Variants in VPS54 observed in about 807,000 individuals in gnomAD.
VPS54 encodes vacuolar protein sorting-associated protein 54.
Under a neutral mutation model 121.5 loss-of-function variants are expected in VPS54, and 45 were observed. That is an observed-to-expected ratio of 0.37 (90% CI 0.29 to 0.47). The LOEUF (loss-of-function observed/expected upper bound fraction) is 0.47. Ranked by LOEUF, VPS54 falls within the 20% of genes least tolerant of loss-of-function variation. The pLI is 0.99. For synonymous variants in VPS54, 371 were observed against 385.8 expected (o/e 0.96, Z 0.45); for missense variants, 1,090 against 1,131.4 (o/e 0.96, Z 0.52).
At chr2:63,925,213 C>G (rs1240315740) in intron 12 of VPS54, among the ~76,000 whole-genome samples, 3 of 152,236 alleles carry the variant, frequency 2.0e-5, no homozygotes, top group African/African-American at 7.2e-5. Context: ...GACAAACCAA[C>G]AGAAAAATGG....
intron 1 of VPS54, among the ~76,000 whole-genome samples, chr2:63,993,082 T>C (rs1007683329): frequency 1.3e-5 from 2 of 152,206 alleles, no homozygotes; most frequent in Non-Finnish European, 2.9e-5. Context: ...AATTTTGAGC[T>C]GCTGTGTTAG....
intron 22 of VPS54, among the ~76,000 whole-genome samples, chr2:63,897,042 A>G (rs1409839416): frequency 6.6e-6 from 1 of 152,204 alleles, no homozygotes; most frequent in Non-Finnish European, 1.5e-5. Context: ...AGTAATATAT[A>G]CAATCTTTCA....
chr2:63,907,254 C>G (rs946469878), intron 20 of VPS54, among the ~76,000 whole-genome samples: 1 of 152,094 alleles, frequency 6.6e-6, no homozygotes, highest in African/African-American at 2.4e-5. Context: ...CGCAGTGGCT[C>G]ATGCCTGTAA....
chr2:63,995,490 T>C (rs544214908), intron 1 of VPS54, among the ~76,000 whole-genome samples: 7 of 152,262 alleles, frequency 4.6e-5, no homozygotes, highest in Admixed American at 3.9e-4. Flanking sequence ...TGTTTTCACT[T>C]TAATTGCTGT....
intron 15 of VPS54, among the ~76,000 whole-genome samples, chr2:63,918,485 A>AAT (rs1673486423): frequency 6.6e-6 from 1 of 151,554 alleles, no homozygotes; most frequent in African/African-American, 2.4e-5. Context: ...GAGTGGTCAG[A>AAT]GTTTTATTTT....
chr2:63,898,583 G>A (rs1183377326), intron 21 of VPS54, among the ~76,000 whole-genome samples: 3 of 152,134 alleles, frequency 2.0e-5, no homozygotes, highest in East Asian at 3.8e-4. Flanking sequence ...GAGACACTAA[G>A]AAAGCCACCC....
intron 11 of VPS54, among the ~76,000 whole-genome samples, chr2:63,939,653 G>A (rs938609492): frequency 1.3e-5 from 2 of 151,790 alleles, no homozygotes; most frequent in Non-Finnish European, 2.9e-5. Context: ...ACCAGCTAAA[G>A]AAAACCACCA....
At chr2:63,993,136 T>A (rs960557462) in intron 1 of VPS54, among the ~76,000 whole-genome samples, 3 of 152,224 alleles carry the variant, frequency 2.0e-5, no homozygotes, top group Non-Finnish European at 4.4e-5. Flanking sequence ...AACAGACCAC[T>A]CCTGTTCAAT....
chr2:63,997,370 T>C (rs939574779), intron 1 of VPS54, among the ~76,000 whole-genome samples: 4 of 152,188 alleles, frequency 2.6e-5, no homozygotes, highest in Non-Finnish European at 5.9e-5. Flanking sequence ...ACAACTTTTA[T>C]CTTATTACTT....
intron 1 of VPS54, among the ~76,000 whole-genome samples, chr2:64,010,643 T>C (rs888477738): frequency 2.6e-5 from 4 of 151,722 alleles, no homozygotes; most frequent in African/African-American, 9.8e-5. Flanking sequence ...ATACTACCTA[T>C]ACACAAATAG....
intron 1 of VPS54, among the ~76,000 whole-genome samples, chr2:64,005,089 C>CTTTT (rs764515091): frequency 0.019 from 843 of 44,132 alleles, 115 homozygotes; most frequent in East Asian, 0.051. Context: ...ACTATTGCTT[C>CTTTT]TTTTTTTTTT....
chr2:63,956,396 C>CA (rs1248459819), intron 7 of VPS54, among the ~76,000 whole-genome samples: 1 of 151,558 alleles, frequency 6.6e-6, no homozygotes, highest in Non-Finnish European at 1.5e-5. Flanking sequence ...CAAAACAAAA[C>CA]AAAAAAAGGC....
At chr2:63,947,911 A>G (rs1675058140) in intron 8 of VPS54, among the ~76,000 whole-genome samples, 1 of 152,006 alleles carries the variant, frequency 6.6e-6, no homozygotes. Flanking sequence ...ATTACAGCTC[A>G]CTGCAGCCTT....
intron 7 of VPS54, among the ~76,000 whole-genome samples, chr2:63,959,977 G>A (rs1230616337): frequency 6.6e-6 from 1 of 152,116 alleles, no homozygotes; most frequent in Middle Eastern, 3.4e-3. Flanking sequence ...CCGAGATCGT[G>A]CCACTGCACT....
chr2:63,909,408 G>A (rs1204573961), intron 20 of VPS54, among the ~76,000 whole-genome samples: 1 of 137,422 alleles, frequency 7.3e-6, no homozygotes, highest in Admixed American at 7.6e-5. Flanking sequence ...TTACTTATTA[G>A]CTGCCTTTTT....
At chr2:63,971,686 C>G (rs528031883) in intron 4 of VPS54, among the ~76,000 whole-genome samples, 1 of 152,192 alleles carries the variant, frequency 6.6e-6, no homozygotes, top group Non-Finnish European at 1.5e-5. Context: ...CCACACTGAA[C>G]TTACTCTTTA....
At chr2:63,972,041 G>C in intron 4 of VPS54, 125 bp downstream of exon 4, 2 of 470,968 alleles carry the variant, frequency 4.2e-6, no homozygotes, top group Non-Finnish European at 7.2e-6. Flanking sequence ...TATAATCATA[G>C]GTTATAAAAA....
chr2:63,983,470 A>G (rs1241457064), intron 2 of VPS54, among the ~76,000 whole-genome samples: 1 of 88,066 alleles, frequency 1.1e-5, no homozygotes, highest in African/African-American at 4.5e-5. Context: ...TTTGAGATGG[A>G]GTCTGTCTGT....
intron 1 of VPS54, among the ~76,000 whole-genome samples, chr2:64,011,878 T>A (rs1678447431): frequency 6.6e-6 from 1 of 152,200 alleles, no homozygotes; most frequent in South Asian, 2.1e-4. Flanking sequence ...TAGATACTTA[T>A]TAAGTAACAA....
Sources: allele counts gnomAD v4.1 joint callset (sites outside exome capture counted in the v4.1 genomes callset), GRCh38; gene constraint gnomAD v4.1.1; transcripts MANE v1.5; gene names NCBI Gene and HGNC (gene_info 2026-07-23, HGNC 2026-07-21).